Variants in GAB2 observed in about 807,000 individuals in gnomAD.
GAB2 encodes GRB2-associated-binding protein 2.
Under a neutral mutation model 65.5 loss-of-function variants are expected in GAB2, and 26 were observed. The ratio of observed to expected loss-of-function variants is 0.40; its 90% CI spans 0.29 to 0.55. The LOEUF is 0.55. Ranked by LOEUF, GAB2 falls within the 20% of genes least tolerant of loss-of-function variation. The probability of loss-of-function intolerance (pLI) is 0.53; values close to 1 mark genes in which losing one functional copy is unlikely to be tolerated. For synonymous variants in GAB2, 321 were observed against 329.6 expected, an observed-to-expected ratio of 0.97 and a Z score of 0.28; for missense variants, 884 against 875.8, an observed-to-expected ratio of 1.01 and a Z score of -0.12.
At chr11:78,328,499 T>G (rs1591042161) in intron 1 of GAB2, among the ~76,000 whole-genome samples, 1 of 152,320 alleles carries the variant, frequency 6.6e-6, no homozygotes, top group East Asian at 1.9e-4. Flanking sequence ...TTACTCATAA[T>G]AGCCAAAAGC....
chr11:78,224,124 G>T (rs1279096445), intron 5 of GAB2, among the ~76,000 whole-genome samples: 1 of 152,100 alleles, frequency 6.6e-6, no homozygotes, highest in Non-Finnish European at 1.5e-5. Context: ...TGGGAGACAA[G>T]AATATATGAG....
rs1246175595 is a variant in GAB2 at position 78,325,513 on chromosome 11, C to G, written c.76-44612G>C. ...GCTCTATTAATAATATTGAACAACACCGGAATGACAAAGATCCCTAAGCAA... is the reference window on the plus strand; with the variant it reads ...GCTCTATTAATAATATTGAACAACAGCGGAATGACAAAGATCCCTAAGCAA... On this transcript the variant is annotated intron_variant, in intron 1 of 9. Coordinates refer to ENST00000361507, the MANE Select transcript of GAB2 (RefSeq NM_080491.3). Among the ~76,000 whole-genome samples, 3 of 152,162 alleles carry G rather than the reference C, an allele frequency of 2.0e-5. No individual in the cohort carries two copies. In the East Asian group the frequency reaches 5.8e-4, roughly 29 times the overall value.
chr11:78,280,560 C>A, intron 2 of GAB2, 41 bp downstream of exon 2: 1 of 1,528,720 alleles, frequency 6.5e-7, no homozygotes, highest in South Asian at 1.2e-5. Flanking sequence ...AAGGGCCTCA[C>A]CTCAACCCCC....
intron 1 of GAB2, among the ~76,000 whole-genome samples, chr11:78,300,439 A>G (rs536275922): frequency 6.6e-6 from 1 of 151,802 alleles, no homozygotes; most frequent in African/African-American, 2.4e-5. Context: ...TTTTGTGAGC[A>G]TAGGTTTTCA....
At chr11:78,310,942 C>G (rs1855488653) in intron 1 of GAB2, among the ~76,000 whole-genome samples, 1 of 152,188 alleles carries the variant, frequency 6.6e-6, no homozygotes, top group African/African-American at 2.4e-5. Context: ...TGTCTCCTTA[C>G]TAAAGGTTTT....
At chr11:78,222,297 G>C (rs1864467173) in intron 6 of GAB2, 102 bp from the exon 7 acceptor site, 1 of 752,182 alleles carries the variant, frequency 1.3e-6, no homozygotes, top group South Asian at 1.5e-5. Context: ...GGCCTGCAAA[G>C]TCATTCCAGT....
intron 1 of GAB2, among the ~76,000 whole-genome samples, chr11:78,365,627 G>A (rs367751051): frequency 2.0e-5 from 3 of 152,302 alleles, no homozygotes; most frequent in African/African-American, 4.8e-5. Flanking sequence ...TTGTTACTGT[G>A]GAGCTGGGTG....
chr11:78,246,776 G>A (rs925785088), intron 3 of GAB2, among the ~76,000 whole-genome samples: 9 of 152,186 alleles, frequency 5.9e-5, no homozygotes, highest in Non-Finnish European at 1.2e-4. Flanking sequence ...TAGAATTATA[G>A]GCGTGAGCCA....
intron 1 of GAB2, among the ~76,000 whole-genome samples, chr11:78,322,569 C>G (rs1177274083): frequency 6.6e-6 from 1 of 151,676 alleles, no homozygotes; most frequent in Non-Finnish European, 1.5e-5. Flanking sequence ...TGACAAAGGA[C>G]TAATACTGAG....
intron 1 of GAB2, among the ~76,000 whole-genome samples, chr11:78,412,305 G>A (rs1280091193): frequency 3.9e-5 from 6 of 152,130 alleles, no homozygotes; most frequent in Non-Finnish European, 7.4e-5. Context: ...AGACTGTGTG[G>A]TACATCCATA....
chr11:78,222,721 T>C (rs1031119162), intron 6 of GAB2, among the ~76,000 whole-genome samples: 1 of 152,082 alleles, frequency 6.6e-6, no homozygotes, highest in Non-Finnish European at 1.5e-5. Flanking sequence ...TAGCTGGGAC[T>C]ATAGGCGCCT....
At chr11:78,273,247 T>C (rs908404430) in intron 2 of GAB2, among the ~76,000 whole-genome samples, 2 of 152,202 alleles carry the variant, frequency 1.3e-5, no homozygotes, top group Non-Finnish European at 2.9e-5. Context: ...CACTGACAGC[T>C]TGCACTGTGT....
At chr11:78,360,047 A>AG (rs918847838) in intron 1 of GAB2, among the ~76,000 whole-genome samples, 31 of 152,200 alleles carry the variant, frequency 2.0e-4, no homozygotes, top group Admixed American at 5.9e-4. Context: ...CAGAAGAGAG[A>AG]GGAGGAAGAG....
At chr11:78,348,339 A>G (rs1591056815) in intron 1 of GAB2, among the ~76,000 whole-genome samples, 1 of 152,228 alleles carries the variant, frequency 6.6e-6, no homozygotes, top group South Asian at 2.1e-4. Context: ...ATATATTTCT[A>G]TCTTACAAAG....
chr11:78,407,474 T>A (rs552719121), intron 1 of GAB2, among the ~76,000 whole-genome samples: 1 of 151,416 alleles, frequency 6.6e-6, no homozygotes, highest in African/African-American at 2.4e-5. Flanking sequence ...CTACCAAAAA[T>A]ACAAAAAAAT....
chr11:78,333,614 C>T (rs1223208892), intron 1 of GAB2, among the ~76,000 whole-genome samples: 3 of 152,134 alleles, frequency 2.0e-5, no homozygotes, highest in African/African-American at 7.2e-5. Flanking sequence ...TGAAGACAGA[C>T]TGAAAAACAA....
At chr11:78,289,094 T>C (rs1157986294) in intron 1 of GAB2, among the ~76,000 whole-genome samples, 1 of 152,044 alleles carries the variant, frequency 6.6e-6, no homozygotes, top group Non-Finnish European at 1.5e-5. Context: ...CACAAACGTG[T>C]AAAAGCAATT....
intron 3 of GAB2, among the ~76,000 whole-genome samples, chr11:78,249,486 T>C (rs1310347476): frequency 2.0e-5 from 3 of 152,212 alleles, no homozygotes; most frequent in Non-Finnish European, 4.4e-5. Flanking sequence ...ACATAATAAA[T>C]ACATTTACAG....
chr11:78,295,618 G>T (rs1454710888), intron 1 of GAB2, among the ~76,000 whole-genome samples: 2 of 152,146 alleles, frequency 1.3e-5, no homozygotes, highest in Non-Finnish European at 2.9e-5. Context: ...CTCTTATAAT[G>T]GTATGAACAG....
Sources: allele counts gnomAD v4.1 joint callset (sites outside exome capture counted in the v4.1 genomes callset), GRCh38; gene constraint gnomAD v4.1.1; transcripts MANE v1.5; gene names NCBI Gene and HGNC (gene_info 2026-07-23, HGNC 2026-07-21).